Variants in DDX55 observed in about 807,000 individuals in gnomAD.
DDX55 encodes DEAD-box helicase 55.
In DDX55, 56 loss-of-function variants were observed where a neutral mutation model predicts 69.2. The observed-to-expected ratio is 0.81, with a 90% CI of 0.65 to 1.01. The LOEUF is 1.01. Among genes scored for constraint, DDX55 ranks in the 50% least tolerant of loss-of-function variants. The pLI is 0.00. For synonymous variants in DDX55, 268 were observed against 273.1 expected, an observed-to-expected ratio of 0.98 and a Z score of 0.18; for missense variants, 720 against 745.1, an observed-to-expected ratio of 0.97 and a Z score of 0.39.
chr12:123,614,001 TTATA>T (rs888600922), intron 8 of DDX55, among the ~76,000 whole-genome samples: 34 of 151,620 alleles, frequency 2.2e-4, no homozygotes, highest in African/African-American at 8.2e-4. Flanking sequence ...TTATATTTAT[TTATA>T]TATTTATATT....
At chr12:123,619,294 C>T (rs1252710935) in intron 12 of DDX55, 138 bp from the exon 13 acceptor site, 3 of 1,363,828 alleles carry the variant, frequency 2.2e-6, no homozygotes, top group East Asian at 2.6e-5. Context: ...TGAGCCACTG[C>T]ACCCGGCCTC....
chr12:123,618,669 T>C lies in DDX55; in HGVS notation c.1165T>C (p.Cys389Arg). Reference protein sequence around the residue: ...YINFLAINQKCPLQEMKPQRN... With the variant: ...YINFLAINQKRPLQEMKPQRN... ...GAATGTGGTATGTGTGTGTGTGTAG[T>C]GCCCCCTGCAGGAGATGAAGCCCCA... The change falls in exon 12 of 14, where the codon TGC (cysteine) becomes CGC (arginine). Residue 389 changes from cysteine (C) to arginine (R), a missense_variant and splice_region_variant. By Grantham distance (180) the Cys-to-Arg change is radical. Transcript: ENST00000238146. 6.2e-7 allele frequency: 1 copy of C among 1,613,586 alleles called. No homozygotes were observed. Among genetic ancestry groups the C allele is most frequent in the Non-Finnish European group, 8.5e-7 (1 of 1,179,718 alleles).
intron 10 of DDX55, 158 bp downstream of exon 10, chr12:123,616,761 G>T (rs1384879331): frequency 4.0e-6 from 3 of 746,268 alleles, no homozygotes; most frequent in Non-Finnish European, 7.0e-6. Flanking sequence ...TTCCTACAGG[G>T]CTTGCCAGAA....
intron 2 of DDX55, 41 bp downstream of exon 2, chr12:123,606,022 C>A (rs768962905): frequency 1.9e-6 from 3 of 1,611,812 alleles, no homozygotes; most frequent in African/African-American, 2.7e-5. Context: ...TCGTGTTCTC[C>A]CTCAGATGAA....
At chr12:123,616,272 G>A (rs1318426629) in intron 9 of DDX55, among the ~76,000 whole-genome samples, 2 of 152,114 alleles carry the variant, frequency 1.3e-5, no homozygotes, top group South Asian at 2.1e-4. Flanking sequence ...GTTTTCAAAT[G>A]GCAGTGCTGT....
chr12:123,609,943 A>G lies in DDX55; in HGVS notation c.556A>G (p.Asn186Asp). 1.9e-6 allele frequency: 3 copies of G among 1,613,242 alleles called. No individual in the cohort carries two copies. The highest frequency in any genetic ancestry group is 1.7e-6 in the Non-Finnish European group (2 of 1,179,788). Residue 186 changes from asparagine to aspartate, a missense_variant, in exon 7 of 14, where the codon AAC becomes GAC. Physicochemically the swap from Asn to Asp is conservative, Grantham distance 23. Coordinates refer to ENST00000238146, the MANE Select transcript of DDX55 (RefSeq NM_020936.3). The part of the protein sequence containing the change: ...LLDMGFEASI[N>D]TILEFLPKQR... ...TGTGAGCCCTCTTTTTATCAGCATCAACACCATTCTGGAGTTTTTGCCAAA... is the reference window on the plus strand; with the variant it reads ...TGTGAGCCCTCTTTTTATCAGCATCGACACCATTCTGGAGTTTTTGCCAAA...
At chr12:123,610,236 C>G (rs1954129393) in intron 7 of DDX55, 108 bp downstream of exon 7, 3 of 1,376,640 alleles carry the variant, frequency 2.2e-6, no homozygotes. Flanking sequence ...CTATGAAATG[C>G]ATTTGGGGAC....
intron 3 of DDX55, among the ~76,000 whole-genome samples, chr12:123,607,048 A>G (rs1953935031): frequency 6.6e-6 from 1 of 152,232 alleles, no homozygotes. Flanking sequence ...CCACGAGTTC[A>G]ATGAGAATGA....
At position 123,619,698 on chromosome 12, in the gene DDX55, A is replaced by G; in HGVS notation, c.1600A>G (p.Met534Val). 6.3e-7 allele frequency: 1 copy of G among 1,576,198 alleles called. No homozygotes were observed. ...QKAKKEKKKK[M>V]NEKRKREEGS... ...GGCCAAAAAAGAAAAGAAGAAAAAA[A>G]TGAATGAGAAAAGGAAAAGGGAAGA... is the stretch of plus-strand genomic sequence containing the variant. The change falls in exon 13 of 14, where the codon ATG (methionine) becomes GTG (valine). Residue 534 changes from methionine to valine, a missense_variant. By Grantham distance (21) the Met-to-Val change is conservative (BLOSUM62 1). Coordinates refer to ENST00000238146, the MANE Select transcript of DDX55 (RefSeq NM_020936.3).
chr12:123,619,067 A>G (rs2135750685), intron 12 of DDX55, among the ~76,000 whole-genome samples: 1 of 152,378 alleles, frequency 6.6e-6, no homozygotes, highest in East Asian at 1.9e-4. Context: ...CAGTGGCGCG[A>G]TCTCGGCTCA....
chr12:123,603,984 G>C (rs1953733318), intron 1 of DDX55, among the ~76,000 whole-genome samples: 1 of 151,722 alleles, frequency 6.6e-6, no homozygotes, highest in African/African-American at 2.4e-5. Flanking sequence ...TGTGTTTTTA[G>C]TAGAGACGGG....
In DDX55 at chr12:123,610,334, C is replaced by T. The variant is rs11610332; in HGVS notation, c.741+206C>T. Reference sequence around the variant, plus strand: ...CATAAATGTATTTTAAGCACAGTCTCTAAGGACAGAGTCTCTGAACCTCCT... The same window carrying T: ...CATAAATGTATTTTAAGCACAGTCTTTAAGGACAGAGTCTCTGAACCTCCT... On this transcript the variant is annotated intron_variant, in intron 7 of 13. Transcript: ENST00000238146. 1.4e-4 allele frequency among the ~76,000 whole-genome samples: 21 copies of T among 152,276 alleles called. No homozygotes were observed. In the South Asian group the frequency reaches 4.1e-3, roughly 30 times the overall value.
At chr12:123,614,064 C>T (rs1331306540) in intron 8 of DDX55, among the ~76,000 whole-genome samples, 1 of 151,934 alleles carries the variant, frequency 6.6e-6, no homozygotes, top group African/African-American at 2.4e-5. Flanking sequence ...GCAATATTGA[C>T]CATGACCCAC....
chr12:123,612,138 G>A (rs1038918413), intron 7 of DDX55, among the ~76,000 whole-genome samples: 2 of 152,138 alleles, frequency 1.3e-5, no homozygotes, highest in East Asian at 1.9e-4. Flanking sequence ...GGAAATACTC[G>A]GAGCATTTTG....
rs1224137517 is a variant in DDX55 at position 123,619,660 on chromosome 12, G to A, written c.1562G>A (p.Trp521Ter). Residue 521 changes from tryptophan (W) to a stop codon, truncating the protein, a stop_gained, in exon 13 of 14, where the codon TGG becomes TAG. Transcript: ENST00000238146. LOFTEE classifies it high-confidence loss of function. ...GRRKFIKNKAWSKQKAKKEKK... is the reference protein window; with the variant it reads ...GRRKFIKNKA ...AGAAAATTCATAAAAAATAAAGCTTGGTCAAAGCAGAAGGCCAAAAAAGAA... is the reference window on the plus strand; with the variant it reads ...AGAAAATTCATAAAAAATAAAGCTTAGTCAAAGCAGAAGGCCAAAAAAGAA... 1 of 1,602,090 alleles carries A rather than the reference G, an allele frequency of 6.2e-7. No homozygotes were observed. The highest frequency in any genetic ancestry group is 1.1e-5 in the South Asian group (1 of 87,690).
At chr12:123,605,376 C>A (rs1377161628) in intron 1 of DDX55, 2 of 172,054 alleles carry the variant, frequency 1.2e-5, no homozygotes, top group African/African-American at 4.8e-5. Flanking sequence ...AATGTTCCCT[C>A]AGGGGTTGAG....
At position 123,613,069 on chromosome 12, in the gene DDX55, G is replaced by A. The variant is rs1348512410; in HGVS notation, c.742-101G>A. 3.2e-6 allele frequency: 4 copies of A among 1,237,194 alleles called. No individual in the cohort carries two copies. The African/African-American group carries it at 4.5e-5, about 14-fold the overall frequency. The allele number at this position is 1,237,194 out of a possible 1,614,324, so 76.6% of individuals were successfully genotyped here. A position where few individuals can be genotyped will look rare whatever the true frequency, so the allele number is the denominator to read the frequency against. On this transcript the variant is annotated intron_variant, in intron 7 of 13. Transcript: ENST00000238146. ...GACTAAAGTCTGTCCTACCCATGGG[G>A]GAAATGACATTCCTTAAAATTTAAT...
chr12:123,604,519 C>T (rs1194839293), intron 1 of DDX55, among the ~76,000 whole-genome samples: 4 of 152,038 alleles, frequency 2.6e-5, no homozygotes, highest in Non-Finnish European at 4.4e-5. Flanking sequence ...GAATGTAGTG[C>T]GAGCAAGACC....
chr12:123,619,479 C>T lies in DDX55; in HGVS notation c.1381C>T (p.Pro461Ser), dbSNP rs779533198. 1.3e-5 allele frequency: 21 copies of T among 1,613,678 alleles called. No homozygotes were observed. The highest frequency in any genetic ancestry group is 2.7e-5 in the African/African-American group (2 of 74,864). The change falls in exon 13 of 14, where the codon CCC becomes TCC. Residue 461 changes from proline to serine, a missense_variant. Coordinates refer to ENST00000238146, the MANE Select transcript of DDX55 (RefSeq NM_020936.3). ...TCGAGGTTTTGCCCTGCTGAGGATG[C>T]CCAAGATGCCAGAATTGAGAGGAAA... ...LARGFALLRM[P>S]KMPELRGKQF...
Sources: gnomAD v4.1 joint callset for allele counts (sites outside exome capture counted in the v4.1 genomes callset) on GRCh38, gnomAD v4.1.1 for gene constraint, MANE v1.5 for transcripts, NCBI Gene and HGNC (gene_info 2026-07-23, HGNC 2026-07-21) for gene names.